Variants in TYMP observed in about 807,000 individuals in gnomAD.
TYMP encodes the protein thymidine phosphorylase.
A neutral mutation model predicts 42.3 loss-of-function variants in TYMP; 46 were observed. The observed-to-expected ratio is 1.09, with a 90% CI of 0.86 to 1.39. TYMP has a LOEUF of 1.39. Among genes scored for constraint, TYMP ranks in the 40% most tolerant of loss-of-function variants. TYMP has a pLI of 0.00. For missense variants in TYMP, 837 were observed against 677.6 expected (o/e 1.24, Z -2.61); for synonymous variants, 363 against 308.0 (o/e 1.18, Z -1.87).
intron 4 of TYMP, 43 bp from the exon 5 acceptor site, chr22:50,527,760 CTTAGCAGCTTTTTTTTTTT>C: frequency 7.9e-7 from 1 of 1,259,372 alleles, no homozygotes; most frequent in Non-Finnish European, 1.1e-6. Context: ...TGGTAAATGA[CTTAGCAGCTTTTTTTTTTT>C]TTTTTTTTTT....
chr22:50,528,503 G>T lies in TYMP; in HGVS notation c.516+9C>A, dbSNP rs201884709. The T allele has an allele frequency of 6.2e-7, 1 of 1,612,164 alleles. No homozygotes were observed. The highest frequency in any genetic ancestry group is 8.5e-7 in the Non-Finnish European group (1 of 1,178,670). On this transcript the variant is annotated intron_variant, in intron 4 of 9. Transcript: ENST00000252029. ...CCTGGATTAATGACTGATCCGTGGCGCCCCGTACCTGCTCTGGGCTCTGGA... is the reference window on the plus strand; with the variant it reads ...CCTGGATTAATGACTGATCCGTGGCTCCCCGTACCTGCTCTGGGCTCTGGA...
At chr22:50,525,974 G>A (rs976138443) in intron 9 of TYMP, 27 bp downstream of exon 9, 11 of 1,387,706 alleles carry the variant, frequency 7.9e-6, no homozygotes, top group South Asian at 3.3e-5. Flanking sequence ...GGGGGTGCGG[G>A]GCCAGCAGGG....
rs1219145261 is a variant in TYMP, at chr22:50,526,489, A to G, written c.929-13T>C. ...AGCAGGGCGCCCCCTGCGGGCGGGG[A>G]CGGGTCTTAGGCGCGGCCGGGTCGG... On this transcript the variant is annotated splice_polypyrimidine_tract_variant and intron_variant, in intron 7 of 9. Coordinates refer to ENST00000252029, the MANE Select transcript of TYMP (RefSeq NM_001953.5). 1 of 1,499,932 alleles carries G rather than the reference A, an allele frequency of 6.7e-7. No homozygotes were observed. Among genetic ancestry groups the G allele is most frequent in the Non-Finnish European group, 8.8e-7 (1 of 1,130,736 alleles). The allele number at this position is 1,499,932 out of a possible 1,614,324, so 92.9% of individuals were successfully genotyped here.
In TYMP at chr22:50,526,255, G is replaced by A; in HGVS notation, c.1150C>T (p.Pro384Ser). Reference sequence around the variant, plus strand: ...CTCCCCCGACGCTCACCATCTGCGGGCGCCAGCAGCTCCTCCTGCTCCCGG... The same window carrying A: ...CTCCCCCGACGCTCACCATCTGCGGACGCCAGCAGCTCCTCCTGCTCCCGG... ...RAREQEELLA[P>S]ADGTVELVRA... The change falls in exon 8 of 10, where the codon CCC becomes TCC. Residue 384 changes from proline (P) to serine (S), a missense_variant. Coordinates refer to ENST00000252029, the MANE Select transcript of TYMP (RefSeq NM_001953.5). 6.5e-7 allele frequency: 1 copy of A among 1,536,254 alleles called. No homozygotes were observed. Among genetic ancestry groups the A allele is most frequent in the East Asian group, 2.5e-5 (1 of 39,422 alleles).
In TYMP at chr22:50,529,342, G is replaced by C. The variant is rs1345933432; in HGVS notation, c.215-4C>G. On this transcript the variant is annotated splice_polypyrimidine_tract_variant and splice_region_variant and intron_variant, in intron 2 of 9. Transcript: ENST00000252029. The stretch of plus-strand genomic sequence containing the variant: ...CGGATGGCCATCAGCATGGCCCCTG[G>C]TATGTGGGGGTACGCGTGAGGGTGG... 1 of 1,613,050 alleles carries C rather than the reference G, an allele frequency of 6.2e-7. No homozygotes were observed. The highest frequency in any genetic ancestry group is 8.5e-7 in the Non-Finnish European group (1 of 1,179,882).
chr22:50,527,448 G>A (rs1178725250), intron 5 of TYMP, 140 bp downstream of exon 5: 1 of 1,389,684 alleles, frequency 7.2e-7, no homozygotes, highest in Admixed American at 1.7e-5. Context: ...CACCCCACAT[G>A]GTGGTGGTCA....
intron 2 of TYMP, 32 bp downstream of exon 2, chr22:50,529,464 G>A (rs756793750): frequency 1.4e-5 from 22 of 1,610,014 alleles, no homozygotes; most frequent in Non-Finnish European, 1.8e-5. Context: ...CCTCCCAGTC[G>A]GGGTCAGGAA....
chr22:50,528,714 T>C (rs2069483522), intron 3 of TYMP, 104 bp from the exon 4 acceptor site: 10 of 939,828 alleles, frequency 1.1e-5, no homozygotes, highest in South Asian at 2.8e-5. Flanking sequence ...TGGAAAGTAT[T>C]TAAGCAGCTA....
At chr22:50,529,872 T>A in intron 1 of TYMP, 32 bp downstream of exon 1, 1 of 691,624 alleles carries the variant, frequency 1.4e-6, no homozygotes, top group East Asian at 2.7e-5. Context: ...GCCTCCCGCT[T>A]CCCCGCCTCG....
Position 50,529,233 on chromosome 22 carries a change from G to T in TYMP, c.320C>A (p.Ala107Asp). Residue 107 changes from alanine to aspartate, a missense_variant, in exon 3 of 10, where the codon GCC (alanine) becomes GAC (aspartate). Physicochemically the swap from Ala to Asp is moderately radical, Grantham distance 126 (BLOSUM62 -2). Transcript: ENST00000252029. The stretch of plus-strand genomic sequence containing the variant: ...CTTGTCCACAAGCTGCTGGCGCCAG[G>T]CCTCTGGCCACTCCAGCTGCTGTCC... Reference protein sequence around the residue: ...QSGQQLEWPEAWRQQLVDKHS... With the variant: ...QSGQQLEWPEDWRQQLVDKHS... 1 of 1,613,266 alleles carries T rather than the reference G, an allele frequency of 6.2e-7. No individual in the cohort carries two copies. Among genetic ancestry groups the T allele is most frequent in the Non-Finnish European group, 8.5e-7 (1 of 1,180,014 alleles).
At position 50,529,761 on chromosome 22, in the gene TYMP, G is replaced by A. The variant is rs536242126; in HGVS notation, c.-10-42C>T. 668 of 1,548,614 alleles carry A rather than the reference G, an allele frequency of 4.3e-4. 1 individual carries two copies. Among genetic ancestry groups the A allele is most frequent in the Non-Finnish European group, 5.1e-4 (585 of 1,140,840 alleles). Reference sequence around the variant, plus strand: ...CACGTCCGGGGTCTGCGGCCTCCCGGCGTCGGTGTCTGAGCCACGTGCTCC... The same window carrying A: ...CACGTCCGGGGTCTGCGGCCTCCCGACGTCGGTGTCTGAGCCACGTGCTCC... On this transcript the variant is annotated intron_variant, in intron 1 of 9. Transcript: ENST00000252029.
rs1298982712 is a variant in TYMP at position 50,529,352 on chromosome 22, G to T, written c.215-14C>A. 1.9e-6 allele frequency: 3 copies of T among 1,612,594 alleles called. No individual in the cohort carries two copies. The highest frequency in any genetic ancestry group is 1.3e-5 in the African/African-American group (1 of 74,922). On this transcript the variant is annotated splice_polypyrimidine_tract_variant and intron_variant, in intron 2 of 9. Coordinates refer to ENST00000252029, the MANE Select transcript of TYMP (RefSeq NM_001953.5). ...TCAGCATGGCCCCTGGTATGTGGGG[G>T]TACGCGTGAGGGTGGCAGCCCACAG...
rs973876409 is a variant in TYMP at position 50,529,349 on chromosome 22, G to A, written c.215-11C>T. The A allele has an allele frequency of 3.7e-6, 6 of 1,612,870 alleles. No individual in the cohort carries two copies. Among genetic ancestry groups the A allele is most frequent in the Admixed American group, 1.7e-5 (1 of 60,004 alleles). On this transcript the variant is annotated splice_polypyrimidine_tract_variant and intron_variant, in intron 2 of 9. Transcript: ENST00000252029. ...CCATCAGCATGGCCCCTGGTATGTG[G>A]GGGTACGCGTGAGGGTGGCAGCCCA...
At position 50,526,289 on chromosome 22, in the gene TYMP, C is replaced by T. The variant is rs1355157177; in HGVS notation, c.1116G>A (p.Leu372=). The T allele has an allele frequency of 3.2e-6, 5 of 1,551,730 alleles. No individual in the cohort carries two copies. Among genetic ancestry groups the T allele is most frequent in the Non-Finnish European group, 4.3e-6 (5 of 1,159,352 alleles). The part of the protein sequence containing the change: ...SGSPAERRQL[L]PRAREQEELL... Reference sequence around the variant, plus strand: ...GCTCCTCCTGCTCCCGGGCGCGAGGCAGCAGCTGCCGGCGTTCTGCGGGAC... The same window carrying T: ...GCTCCTCCTGCTCCCGGGCGCGAGGTAGCAGCTGCCGGCGTTCTGCGGGAC... The change falls in exon 8 of 10, where the codon CTG becomes CTA. Residue 372 remains leucine (L), a synonymous_variant. Coordinates refer to ENST00000252029, the MANE Select transcript of TYMP (RefSeq NM_001953.5).
At position 50,526,451 on chromosome 22, in the gene TYMP, T is replaced by A; in HGVS notation, c.954A>T (p.Gly318=). The change falls in exon 8 of 10, where the codon GGA becomes GGT. Residue 318 remains glycine, a synonymous_variant. Transcript: ENST00000252029. ...TLGGALLWLS[G]HAGTQAQGAA... ...CGCCCTGGGCCTGAGTCCCCGCGTG[T>A]CCGCTGAGCCAGAGCAGGGCGCCCC... 6.7e-7 allele frequency: 1 copy of A among 1,494,928 alleles called. No individual in the cohort carries two copies. Among genetic ancestry groups the A allele is most frequent in the Non-Finnish European group, 8.8e-7 (1 of 1,131,268 alleles). The allele number at this position is 1,494,928 out of a possible 1,614,324, so 92.6% of individuals were successfully genotyped here.
In TYMP at chr22:50,526,424, A is replaced by G; in HGVS notation, c.981T>C (p.Ala327=). Reference sequence around the variant, plus strand: ...CGTCCAGCGCCGCGGCCACCCGGGCAGCGCCCTGGGCCTGAGTCCCCGCGT... The same window carrying G: ...CGTCCAGCGCCGCGGCCACCCGGGCGGCGCCCTGGGCCTGAGTCCCCGCGT... ...SGHAGTQAQG[A]ARVAAALDDG... Residue 327 remains alanine (A), a synonymous_variant, in exon 8 of 10, where the codon GCT becomes GCC. Coordinates refer to ENST00000252029, the MANE Select transcript of TYMP (RefSeq NM_001953.5). 1 of 1,506,420 alleles carries G rather than the reference A, an allele frequency of 6.6e-7. No individual in the cohort carries two copies. 93.3% of individuals were successfully genotyped at this position (1,506,420 alleles called of 1,614,324 possible). A position where few individuals can be genotyped will look rare whatever the true frequency, so the allele number is the denominator to read the frequency against.
chr22:50,527,085 A>G (rs979164000), intron 6 of TYMP, 80 bp downstream of exon 6: 28 of 1,132,182 alleles, frequency 2.5e-5, no homozygotes, highest in Non-Finnish European at 3.8e-5. Flanking sequence ...GAGTGGAGGG[A>G]GGCAGTGGGG....
rs772794309 is a variant in TYMP, at chr22:50,526,265, C to T, written c.1140G>A (p.Glu380=). Residue 380 remains glutamate (E), a synonymous_variant, in exon 8 of 10, where the codon GAG becomes GAA. Transcript: ENST00000252029. ...QLLPRAREQE[E]LLAPADGTVE... is the part of the protein sequence containing the mutation. ...GCTCACCATCTGCGGGCGCCAGCAG[C>T]TCCTCCTGCTCCCGGGCGCGAGGCA... 3.2e-6 allele frequency: 5 copies of T among 1,538,522 alleles called. No homozygotes were observed. The highest frequency in any genetic ancestry group is 3.5e-6 in the Non-Finnish European group (4 of 1,152,906).
chr22:50,530,022 G>T, upstream of TYMP: 1 of 353,194 alleles, frequency 2.8e-6, no homozygotes, highest in Non-Finnish European at 5.1e-6. Flanking sequence ...TGCCGGCGGC[G>T]GGGCGGCGGC....
Sources: allele counts gnomAD v4.1 joint callset, GRCh38; gene constraint gnomAD v4.1.1; transcripts MANE v1.5; gene names NCBI Gene and HGNC (gene_info 2026-07-23, HGNC 2026-07-21).